Variants in PDIA6 observed in about 807,000 individuals in gnomAD.
The protein encoded by PDIA6 is protein disulfide-isomerase A6.
A neutral mutation model predicts 58.4 loss-of-function variants in PDIA6; 29 were observed. The observed-to-expected ratio is 0.50, with a 90% CI of 0.37 to 0.68. The LOEUF (loss-of-function observed/expected upper bound fraction) is 0.68, where lower values mean the gene tolerates loss of function less well. Among genes scored for constraint, PDIA6 ranks in the 30% least tolerant of loss-of-function variants. PDIA6 has a pLI of 0.00. For synonymous variants in PDIA6, 192 were observed against 202.6 expected (o/e 0.95, Z 0.44); for missense variants, 480 against 551.0 (o/e 0.87, Z 1.29).
chr2:10,836,289 A>C (rs1172894606), upstream of PDIA6, among the ~76,000 whole-genome samples: 1 of 152,174 alleles, frequency 6.6e-6, no homozygotes, highest in Admixed American at 6.5e-5. Context: ...CCTGCTGCAG[A>C]CACTGGCAAC....
chr2:10,790,505 A>G (rs560036527), intron 7 of PDIA6, among the ~76,000 whole-genome samples: 115 of 152,342 alleles, frequency 7.5e-4, no homozygotes, highest in African/African-American at 2.7e-3. Context: ...ACCTCACATT[A>G]AGTATATACC....
intron 1 of PDIA6, among the ~76,000 whole-genome samples, chr2:10,807,059 C>T (rs868073816): frequency 6.6e-6 from 1 of 152,106 alleles, no homozygotes; most frequent in Admixed American, 6.5e-5. Flanking sequence ...ATTCAGATCA[C>T]GTCTCTAATG....
Position 10,784,179 on chromosome 2 carries a change from T to G in PDIA6, c.*79A>C, listed in dbSNP as rs1225590863. On this transcript the variant is annotated 3_prime_UTR_variant, in exon 13 of 13. Transcript: ENST00000272227. ...GGCCACTGGTAGAGTCATCTGAGTG[T>G]AGAGAATGTCCCTTCACTGCTGGAA... 1 of 1,057,240 alleles carries G rather than the reference T, an allele frequency of 9.5e-7. No homozygotes were observed. Among genetic ancestry groups the G allele is most frequent in the East Asian group, 2.4e-5 (1 of 41,814 alleles). The allele number at this position is 1,057,240 out of a possible 1,614,324, so 65.5% of individuals were successfully genotyped here. A position where few individuals can be genotyped will look rare whatever the true frequency, so the allele number is the denominator to read the frequency against.
chr2:10,826,424 G>A (rs1667558066), intron 1 of PDIA6, among the ~76,000 whole-genome samples: 2 of 152,094 alleles, frequency 1.3e-5, no homozygotes, highest in Middle Eastern at 3.2e-3. Flanking sequence ...CAATGGCGCA[G>A]TCTTGGCTCA....
At chr2:10,824,756 A>T (rs538411884) in intron 1 of PDIA6, among the ~76,000 whole-genome samples, 1 of 152,386 alleles carries the variant, frequency 6.6e-6, no homozygotes, top group South Asian at 2.1e-4. Flanking sequence ...ACTGTCCTTC[A>T]GCTGAACATT....
chr2:10,789,721 T>C, intron 8 of PDIA6, 28 bp downstream of exon 8: 1 of 1,607,906 alleles, frequency 6.2e-7, no homozygotes, highest in Non-Finnish European at 8.5e-7. Flanking sequence ...AAAAGCTTTC[T>C]GGACTACAAG....
chr2:10,789,048 C>T (rs1484310469), intron 8 of PDIA6, 67 bp from the exon 9 acceptor site: 2 of 1,120,226 alleles, frequency 1.8e-6, no homozygotes, highest in Non-Finnish European at 2.7e-6. Flanking sequence ...GGTAAGCTGG[C>T]AAACAAGACC....
intron 1 of PDIA6, among the ~76,000 whole-genome samples, chr2:10,825,621 C>T (rs1290936935): frequency 1.3e-5 from 2 of 152,188 alleles, no homozygotes; most frequent in East Asian, 3.9e-4. Context: ...ATGATTACAA[C>T]TCAATAATAA....
chr2:10,837,694 C>T (rs976668916), exon 1 of PDIA6: 2 of 1,506,956 alleles, frequency 1.3e-6, no homozygotes, highest in African/African-American at 2.8e-5. Flanking sequence ...CAAGCCTGGG[C>T]AGCCTGGTGT....
At chr2:10,810,805 T>G (rs1184370532) in intron 1 of PDIA6, among the ~76,000 whole-genome samples, 1 of 152,006 alleles carries the variant, frequency 6.6e-6, no homozygotes, top group Non-Finnish European at 1.5e-5. Flanking sequence ...TGGGCTCACT[T>G]AAGATGACAA....
rs73170282 is a variant in PDIA6 at position 10,789,513 on chromosome 2, A to C, written c.840+236T>G. 3.7e-3 allele frequency among the ~76,000 whole-genome samples: 561 copies of C among 152,332 alleles called. 4 individuals carry two copies. Among genetic ancestry groups the C allele is most frequent in the African/African-American group, 0.012 (503 of 41,574 alleles). On this transcript the variant is annotated intron_variant, in intron 8 of 12. Coordinates refer to ENST00000272227, the MANE Select transcript of PDIA6 (RefSeq NM_005742.4). ...TATTACTTTGAGAATGATAAGCAAGAGTGATTGAATACACTCTATCTTTAA... is the reference window on the plus strand; with the variant it reads ...TATTACTTTGAGAATGATAAGCAAGCGTGATTGAATACACTCTATCTTTAA...
At chr2:10,810,510 T>A in intron 1 of PDIA6, 1 of 1,170,710 alleles carries the variant, frequency 8.5e-7, no homozygotes, top group African/African-American at 1.6e-5. Context: ...AGTATTAAGA[T>A]AGACTTGGGT....
chr2:10,834,721 CCCTTCCTTCCCTCCTT>C (rs1160810677), upstream of PDIA6, among the ~76,000 whole-genome samples: 162 of 45,498 alleles, frequency 3.6e-3, 3 homozygotes, highest in South Asian at 0.012. Flanking sequence ...CTCCCTCCCT[CCCTTCCTTCCCTCCTT>C]CCTTCCTTCC....
chr2:10,827,093 T>C (rs1006174236), intron 1 of PDIA6, among the ~76,000 whole-genome samples: 3 of 152,112 alleles, frequency 2.0e-5, no homozygotes, highest in East Asian at 3.9e-4. Context: ...AGATGAAGTC[T>C]TGGTCTACTG....
At chr2:10,832,688 G>A (rs561806785), upstream of PDIA6, among the ~76,000 whole-genome samples, 1 of 152,292 alleles carries the variant, frequency 6.6e-6, no homozygotes, top group African/African-American at 2.4e-5. Context: ...TGGGCTGGCT[G>A]AATCCTGCAG....
intron 4 of PDIA6, among the ~76,000 whole-genome samples, chr2:10,796,259 T>C (rs914230382): frequency 6.6e-6 from 1 of 152,094 alleles, no homozygotes; most frequent in Non-Finnish European, 1.5e-5. Flanking sequence ...TTCACCGTGT[T>C]AGCCAGGATG....
At chr2:10,829,535 A>G (rs1572710378) in intron 1 of PDIA6, among the ~76,000 whole-genome samples, 1 of 152,340 alleles carries the variant, frequency 6.6e-6, no homozygotes, top group Middle Eastern at 3.4e-3. Context: ...GTTAGAAGGC[A>G]CGGTGTTGGG....
At chr2:10,802,401 C>T in intron 2 of PDIA6, 98 bp downstream of exon 2, 2 of 709,534 alleles carry the variant, frequency 2.8e-6, no homozygotes, top group Non-Finnish European at 4.2e-6. Context: ...AAACACTAAG[C>T]TAAACTAGAT....
chr2:10,818,478 TTTAATTTATTTATTTA>T (rs1367117652), intron 2 of PDIA6, among the ~76,000 whole-genome samples: 104 of 121,024 alleles, frequency 8.6e-4, no homozygotes, highest in South Asian at 3.7e-3. Context: ...ACTTTAACCA[TTTAATTTATTTATTTA>T]TTTATTTATT....
Sources: gnomAD v4.1 joint callset for allele counts (sites outside exome capture counted in the v4.1 genomes callset) on GRCh38, gnomAD v4.1.1 for gene constraint, MANE v1.5 for transcripts, NCBI Gene and HGNC (gene_info 2026-07-23, HGNC 2026-07-21) for gene names.